The following TRAF3IP1 variants were observed in gnomAD, a reference collection of about 807,000 sequenced individuals.
TRAF3IP1 encodes the protein intraflagellar transport 54.
TRAF3IP1 carries 53 observed loss-of-function variants against 89.9 expected under a neutral mutation model. The observed-to-expected ratio is 0.59, with a 90% CI of 0.47 to 0.74. The LOEUF is 0.74. Ranked by LOEUF, TRAF3IP1 falls within the 30% of genes least tolerant of loss-of-function variation. The probability of loss-of-function intolerance (pLI) is 0.00; values close to 1 mark genes in which losing one functional copy is unlikely to be tolerated. For synonymous variants in TRAF3IP1, 311 were observed against 322.1 expected, an observed-to-expected ratio of 0.97 and a Z score of 0.37; for missense variants, 806 against 866.1, an observed-to-expected ratio of 0.93 and a Z score of 0.87.
intron 14 of TRAF3IP1, among the ~76,000 whole-genome samples, chr2:238,355,500 C>T (rs1454491451): frequency 2.6e-5 from 4 of 152,254 alleles, no homozygotes; most frequent in Admixed American, 6.5e-5. Flanking sequence ...CGTCCTCCAC[C>T]GTGTGGACGT....
At chr2:238,343,418 T>TA (rs1363909572) in intron 8 of TRAF3IP1, among the ~76,000 whole-genome samples, 1 of 151,924 alleles carries the variant, frequency 6.6e-6, no homozygotes. Context: ...ATCTCGCTCT[T>TA]ACATGCAGGC....
chr2:238,348,801 G>C lies in TRAF3IP1; in HGVS notation c.1320G>C (p.Glu440Asp). ...DAGPAGQDKS[E>D]VPETPEIPNE... The stretch of plus-strand genomic sequence containing the variant: ...GACCTGCTGGCCAAGATAAGTCTGA[G>C]GTGCCAGAGACTCCAGAAATTCCTA... The change falls in exon 11 of 17, where the codon GAG becomes GAC. Residue 440 changes from glutamate to aspartate, a missense_variant. Coordinates refer to ENST00000373327, the MANE Select transcript of TRAF3IP1 (RefSeq NM_015650.4). 1.2e-6 allele frequency: 2 copies of C among 1,614,108 alleles called. No individual in the cohort carries two copies. Among genetic ancestry groups the C allele is most frequent in the Non-Finnish European group, 1.7e-6 (2 of 1,180,016 alleles).
intron 15 of TRAF3IP1, among the ~76,000 whole-genome samples, chr2:238,369,318 T>C (rs1408788122): frequency 2.6e-5 from 4 of 152,214 alleles, no homozygotes; most frequent in African/African-American, 7.2e-5. Context: ...TTTTGGGAAC[T>C]TCAGAGCCTT....
intron 8 of TRAF3IP1, among the ~76,000 whole-genome samples, chr2:238,342,200 A>G (rs1031311095): frequency 5.3e-5 from 8 of 152,080 alleles, no homozygotes; most frequent in East Asian, 3.9e-4. Flanking sequence ...TGTTGGCCAG[A>G]CTGGTCTCAA....
chr2:238,361,453 A>G (rs1007532297), intron 15 of TRAF3IP1, among the ~76,000 whole-genome samples: 13 of 152,238 alleles, frequency 8.5e-5, no homozygotes, highest in Non-Finnish European at 1.3e-4. Flanking sequence ...TTGTCTGAAG[A>G]AGCTGTCCTA....
intron 6 of TRAF3IP1, among the ~76,000 whole-genome samples, chr2:238,333,733 G>A (rs1194353148): frequency 6.6e-6 from 1 of 152,166 alleles, no homozygotes. Context: ...TTTTAGGGCT[G>A]TACAGAATGA....
intron 15 of TRAF3IP1, among the ~76,000 whole-genome samples, chr2:238,365,298 A>G (rs960648007): frequency 3.9e-5 from 6 of 152,064 alleles, no homozygotes; most frequent in East Asian, 3.9e-4. Flanking sequence ...TAGTTTGGGT[A>G]TTTTTGGTCC....
At chr2:238,368,753 C>G (rs1444671892) in intron 15 of TRAF3IP1, among the ~76,000 whole-genome samples, 4 of 152,130 alleles carry the variant, frequency 2.6e-5, no homozygotes, top group African/African-American at 9.7e-5. Context: ...TCACTGCACC[C>G]TCTGCCTCCC....
chr2:238,331,648 T>C (rs1298731772), intron 5 of TRAF3IP1, among the ~76,000 whole-genome samples: 1 of 151,922 alleles, frequency 6.6e-6, no homozygotes, highest in African/African-American at 2.4e-5. Flanking sequence ...GGATCTCGCA[T>C]GGTGGTTGTG....
chr2:238,329,027 C>T lies in TRAF3IP1; in HGVS notation c.600C>T (p.Asp200=), dbSNP rs1697983574. 1 of 1,551,180 alleles carries T rather than the reference C, an allele frequency of 6.4e-7. No homozygotes were observed. The highest frequency in any genetic ancestry group is 8.7e-7 in the Non-Finnish European group (1 of 1,147,018). ...EDRKPREKDK[D]KEKAKENGGN... ...GCAAGCCAAGAGAAAAGGACAAGGA[C>T]AAGGAGAAGGCCAAGGAGAATGGCG... Residue 200 remains aspartate, a synonymous_variant, in exon 5 of 17, where the codon GAC becomes GAT. Transcript: ENST00000373327.
chr2:238,372,639 A>G (rs1700157642), intron 15 of TRAF3IP1, among the ~76,000 whole-genome samples: 1 of 152,218 alleles, frequency 6.6e-6, no homozygotes. Flanking sequence ...TCCTTTGGGT[A>G]TATACCCAGT....
chr2:238,367,103 G>C (rs1699909736), intron 15 of TRAF3IP1, among the ~76,000 whole-genome samples: 1 of 138,508 alleles, frequency 7.2e-6, no homozygotes, highest in Non-Finnish European at 1.5e-5. Flanking sequence ...GGCAGAAGTT[G>C]CAGTGAGCCG....
At chr2:238,348,289 T>C (rs540425808) in intron 10 of TRAF3IP1, among the ~76,000 whole-genome samples, 5 of 152,312 alleles carry the variant, frequency 3.3e-5, no homozygotes, top group African/African-American at 1.2e-4. Flanking sequence ...CCTGTATATA[T>C]ATATATGCAT....
In TRAF3IP1 at chr2:238,391,529, T is replaced by C. The variant is rs79761931; in HGVS notation, c.1690-5930T>C. Among the ~76,000 whole-genome samples the C allele has an allele frequency of 3.0e-4, 46 of 152,348 alleles. 1 individual carries two copies. The East Asian group carries it at 7.3e-3, about 24-fold the overall frequency. On this transcript the variant is annotated intron_variant, in intron 15 of 16. Coordinates refer to ENST00000373327, the MANE Select transcript of TRAF3IP1 (RefSeq NM_015650.4). ...TGAAAATTGCCAGAGTGTTGGTGTT[T>C]TGCAGCAATGTATTCCAGTGCCTTT... is the stretch of plus-strand genomic sequence containing the variant.
chr2:238,344,078 A>G (rs756872046), intron 8 of TRAF3IP1, among the ~76,000 whole-genome samples: 1 of 152,190 alleles, frequency 6.6e-6, no homozygotes, highest in Non-Finnish European at 1.5e-5. Flanking sequence ...CAATATGGCC[A>G]GGACTGTGCA....
chr2:238,332,180 C>T (rs771040558), intron 5 of TRAF3IP1, among the ~76,000 whole-genome samples: 2 of 152,152 alleles, frequency 1.3e-5, no homozygotes, highest in South Asian at 2.1e-4. Flanking sequence ...GTTGAAATAT[C>T]GAACAGGCAT....
intron 15 of TRAF3IP1, among the ~76,000 whole-genome samples, chr2:238,381,398 G>C (rs1390705613): frequency 6.6e-6 from 1 of 152,232 alleles, no homozygotes; most frequent in Non-Finnish European, 1.5e-5. Context: ...GGGGCCATAG[G>C]CATGGGTGGC....
rs1217279513 is a variant in TRAF3IP1 at position 238,325,771 on chromosome 2, G to A, written c.193-38G>A. 3.8e-6 allele frequency: 6 copies of A among 1,582,810 alleles called. No individual in the cohort carries two copies. The African/African-American group carries it at 8.1e-5, about 21-fold the overall frequency. The stretch of plus-strand genomic sequence containing the variant: ...CAGAAGATAATGCACACTCTTCAAA[G>A]TATTGTAATATTTGTATTTTCAATG... On this transcript the variant is annotated intron_variant, in intron 2 of 16. Transcript: ENST00000373327.
intron 5 of TRAF3IP1, 89 bp from the exon 6 acceptor site, chr2:238,332,735 G>A (rs1698189393): frequency 2.1e-6 from 2 of 946,162 alleles, no homozygotes; most frequent in Admixed American, 4.2e-5. Context: ...TTTCACTGTT[G>A]GTCAGTGTTA....
Sources: allele counts gnomAD v4.1 joint callset (sites outside exome capture counted in the v4.1 genomes callset), GRCh38; gene constraint gnomAD v4.1.1; transcripts MANE v1.5; gene names NCBI Gene and HGNC (gene_info 2026-07-23, HGNC 2026-07-21).